LOC114841035: variants seen among roughly 807,000 people sequenced by gnomAD.
chr11:64,243,813 T>A, the LOC114841035 span: 1 of 1,613,832 alleles, frequency 6.2e-7, no homozygotes, highest in East Asian at 2.2e-5. Context: ...TGGCCATCAC[T>A]GACTGTTTCT....
the LOC114841035 span, chr11:64,242,225 C>T: frequency 2.6e-5 from 17 of 665,620 alleles, no homozygotes; most frequent in Non-Finnish European, 3.9e-5. Context: ...TAAGTGTGGC[C>T]CCGGAGCCCG....
chr11:64,242,456 G>C, the LOC114841035 span: 1 of 1,547,290 alleles, frequency 6.5e-7, no homozygotes, highest in Non-Finnish European at 8.7e-7. Context: ...CCACGGCCAC[G>C]GGGGCCGAGG....
the LOC114841035 span, chr11:64,243,732 CCTTCTCCATTTCT>C: frequency 2.0e-6 from 3 of 1,469,578 alleles, no homozygotes; most frequent in Admixed American, 5.1e-5. Context: ...TCTCCATTAC[CCTTCTCCATTTCT>C]GGCCTTCTTG....
chr11:64,241,309 A>ACGGGGCGGAGTCCTGGGACT, the LOC114841035 span: 1 of 150,270 alleles, frequency 6.7e-6, no homozygotes, highest in Non-Finnish European at 1.5e-5. Flanking sequence ...CTCACGCCGC[A>ACGGGGCGGAGTCCTGGGACT]CGGGGCGGAG....
the LOC114841035 span, chr11:64,243,183 T>G: frequency 6.2e-7 from 1 of 1,612,514 alleles, no homozygotes; most frequent in South Asian, 1.1e-5. Context: ...TCACTGGCCT[T>G]CTCATGGTTC....
the LOC114841035 span, chr11:64,242,558 G>C: frequency 6.5e-7 from 1 of 1,536,604 alleles, no homozygotes; most frequent in South Asian, 1.2e-5. Context: ...TGCACTACAC[G>C]GTGAGTGGGT....
At chr11:64,241,788 G>A in the LOC114841035 span, 1 of 152,674 alleles carries the variant, frequency 6.5e-6, no homozygotes, top group African/African-American at 2.4e-5. Context: ...GCAGACACAG[G>A]GCCAGTCTGG....
the LOC114841035 span, chr11:64,243,279 G>A: frequency 1.2e-6 from 2 of 1,610,204 alleles, no homozygotes; most frequent in Non-Finnish European, 1.7e-6. Context: ...GCACAGGCCA[G>A]GTCATCAAGG....
chr11:64,242,456 G>A, the LOC114841035 span: 3 of 1,547,408 alleles, frequency 1.9e-6, no homozygotes, highest in Non-Finnish European at 2.6e-6. Context: ...CCACGGCCAC[G>A]GGGGCCGAGG....
chr11:64,244,100 CA>C, the LOC114841035 span: 1 of 1,532,556 alleles, frequency 6.5e-7, no homozygotes, highest in South Asian at 1.2e-5. Flanking sequence ...AAACAAAAAA[CA>C]AAAACAAACA....
chr11:64,243,063 A>T, the LOC114841035 span: 1 of 724,648 alleles, frequency 1.4e-6, no homozygotes, highest in Non-Finnish European at 2.4e-6. Context: ...CAGAGACTCC[A>T]TCTCAAAAAA....
chr11:64,242,194 G>T, the LOC114841035 span: 1 of 513,450 alleles, frequency 1.9e-6, no homozygotes, highest in Non-Finnish European at 3.3e-6. Context: ...CCTCGGCCAA[G>T]CCCCCTTCTC....
the LOC114841035 span, chr11:64,243,157 G>C: frequency 2.6e-6 from 4 of 1,568,300 alleles, no homozygotes; most frequent in Middle Eastern, 2.0e-4. Context: ...GGGTGTCAGG[G>C]GTGGTCCCCT....
the LOC114841035 span, chr11:64,244,064 T>C: frequency 1.9e-6 from 3 of 1,602,774 alleles, no homozygotes; most frequent in Admixed American, 5.0e-5. Flanking sequence ...GAGGCCCCCA[T>C]CAGGGACCAG....
chr11:64,243,983 T>C, the LOC114841035 span: 1 of 1,614,058 alleles, frequency 6.2e-7, no homozygotes, highest in Middle Eastern at 1.6e-4. Flanking sequence ...GCAACCCTGG[T>C]GTTCGAGGTG....
At chr11:64,242,678 TA>T in the LOC114841035 span, 80 of 1,096,048 alleles carry the variant, frequency 7.3e-5, no homozygotes, top group Non-Finnish European at 9.2e-5. Flanking sequence ...CTCTCGCCTC[TA>T]AGCCAGTTTC....
chr11:64,243,457 T>C, the LOC114841035 span: 1 of 1,613,988 alleles, frequency 6.2e-7, no homozygotes, highest in South Asian at 1.1e-5. Context: ...GCAGGATGTG[T>C]GAGGGGGAAA....
At chr11:64,244,093 C>A in the LOC114841035 span, 7 of 1,524,368 alleles carry the variant, frequency 4.6e-6, no homozygotes, top group Admixed American at 1.8e-5. Flanking sequence ...AAAAAAAAAA[C>A]AAAAAACAAA....
chr11:64,242,602 G>A, the LOC114841035 span: 2 of 1,513,434 alleles, frequency 1.3e-6, no homozygotes, highest in South Asian at 1.3e-5. Context: ...TGGGGCTTCC[G>A]AGGACCAGAG....
Sources: allele counts gnomAD v4.1 joint callset, GRCh38; gene constraint gnomAD v4.1.1; transcripts MANE v1.5.